The following LRTM1 variants were observed in gnomAD, a reference collection of about 807,000 sequenced individuals.
LRTM1 encodes leucine rich repeat transmembrane protein 1.
In LRTM1, 38 loss-of-function variants were observed where a neutral mutation model predicts 32.4. The observed-to-expected ratio is 1.17, with a 90% CI of 0.91 to 1.54. The LOEUF (loss-of-function observed/expected upper bound fraction) is 1.54. Among genes scored for constraint, LRTM1 ranks in the 40% most tolerant of loss-of-function variants. The probability of loss-of-function intolerance (pLI) is 0.00; values close to 1 mark genes in which losing one functional copy is unlikely to be tolerated. For missense variants in LRTM1, 466 were observed against 415.4 expected, an observed-to-expected ratio of 1.12 and a Z score of -1.06; for synonymous variants, 186 against 169.9, an observed-to-expected ratio of 1.09 and a Z score of -0.74.
chr3:54,932,204 A>G (rs1161153318), upstream of LRTM1, among the ~76,000 whole-genome samples: 2 of 152,168 alleles, frequency 1.3e-5, no homozygotes, highest in African/African-American at 2.4e-5. Flanking sequence ...TAAATGAAAA[A>G]GAATAATTAG....
At chr3:54,962,194 A>G (rs988319619) in intron 1 of LRTM1, among the ~76,000 whole-genome samples, 1 of 152,218 alleles carries the variant, frequency 6.6e-6, no homozygotes, top group East Asian at 1.9e-4. Flanking sequence ...AGTTTCAGAG[A>G]GGACCAACAT....
chr3:54,924,218 G>C (rs752275201), intron 2 of LRTM1, among the ~76,000 whole-genome samples: 3 of 152,184 alleles, frequency 2.0e-5, no homozygotes, highest in Non-Finnish European at 4.4e-5. Context: ...AGCAGACAAA[G>C]AGAGAAAAAT....
intron 2 of LRTM1, among the ~76,000 whole-genome samples, chr3:54,919,959 C>A (rs1700788541): frequency 6.6e-6 from 1 of 152,136 alleles, no homozygotes; most frequent in Non-Finnish European, 1.5e-5. Flanking sequence ...GAGGAGTGGG[C>A]AGGATGGCCC....
chr3:54,956,253 G>A (rs1192245740), intron 1 of LRTM1, among the ~76,000 whole-genome samples: 2 of 152,236 alleles, frequency 1.3e-5, no homozygotes, highest in African/African-American at 4.8e-5. Flanking sequence ...CTTGCTGCAT[G>A]AGCAGACCCG....
At chr3:54,960,143 C>T (rs1701996972) in intron 1 of LRTM1, among the ~76,000 whole-genome samples, 1 of 150,982 alleles carries the variant, frequency 6.6e-6, no homozygotes, top group African/African-American at 2.4e-5. Context: ...GGCCTTCCTA[C>T]ACTGGTTCCC....
chr3:54,927,767 T>C (rs1701066323), intron 1 of LRTM1, 138 bp downstream of exon 1: 2 of 928,216 alleles, frequency 2.2e-6, no homozygotes, highest in Non-Finnish European at 3.5e-6. Context: ...AATCATTCCA[T>C]GCAGAGACAT....
intron 1 of LRTM1, among the ~76,000 whole-genome samples, chr3:54,966,650 C>T (rs1453503171): frequency 6.6e-6 from 1 of 152,132 alleles, no homozygotes; most frequent in Non-Finnish European, 1.5e-5. Flanking sequence ...GAAACTTCAC[C>T]TCTACAGAAA....
upstream of LRTM1, among the ~76,000 whole-genome samples, chr3:54,930,750 G>T (rs1246144552): frequency 2.0e-5 from 3 of 152,194 alleles, no homozygotes; most frequent in East Asian, 3.9e-4. Flanking sequence ...AGGCAGGGAG[G>T]ATCAAGTGAT....
At chr3:54,954,619 G>C (rs1701836062) in intron 1 of LRTM1, among the ~76,000 whole-genome samples, 2 of 152,196 alleles carry the variant, frequency 1.3e-5, no homozygotes, top group Admixed American at 1.3e-4. Flanking sequence ...GAGGTAGGGT[G>C]TGGAGAAGAC....
intron 1 of LRTM1, among the ~76,000 whole-genome samples, chr3:54,950,775 T>C (rs981439383): frequency 6.6e-6 from 1 of 152,132 alleles, no homozygotes; most frequent in Non-Finnish European, 1.5e-5. Flanking sequence ...TCTTGCACCT[T>C]GATCGGGGCC....
At chr3:54,922,543 TTTACTA>T (rs1700883971) in intron 2 of LRTM1, among the ~76,000 whole-genome samples, 1 of 152,110 alleles carries the variant, frequency 6.6e-6, no homozygotes, top group Non-Finnish European at 1.5e-5. Context: ...GATTATGTAA[TTTACTA>T]TTACATTGTT....
chr3:54,962,101 G>A (rs1283961099), intron 1 of LRTM1, among the ~76,000 whole-genome samples: 1 of 152,090 alleles, frequency 6.6e-6, no homozygotes, highest in Non-Finnish European at 1.5e-5. Context: ...ATCCATTCAT[G>A]AGGACAGAGT....
In LRTM1 at chr3:54,925,115, G is replaced by A. The variant is rs576541973; in HGVS notation, c.108C>T (p.Cys36=). The A allele has an allele frequency of 1.9e-6, 3 of 1,614,102 alleles. No homozygotes were observed. The highest frequency in any genetic ancestry group is 2.7e-5 in the African/African-American group (2 of 75,040). ...GGATTTCGGCCAGACCCTGCTGGCTGCAGTCTACAAAATTTGTAGATGACT... is the reference window on the plus strand; with the variant it reads ...GGATTTCGGCCAGACCCTGCTGGCTACAGTCTACAAAATTTGTAGATGACT... ...YCQSSTNFVD[C]SQQGLAEIPS... The change falls in exon 2 of 3, where the codon TGC becomes TGT. Residue 36 remains cysteine (C), a synonymous_variant. Transcript: ENST00000273286.
intron 1 of LRTM1, among the ~76,000 whole-genome samples, chr3:54,948,069 T>A (rs1273942826): frequency 6.6e-6 from 1 of 152,206 alleles, no homozygotes; most frequent in African/African-American, 2.4e-5. Flanking sequence ...ACGGAGGAGA[T>A]GGTGATGTCC....
chr3:54,954,217 GCCT>G (rs1358061803), intron 1 of LRTM1, among the ~76,000 whole-genome samples: 1 of 152,126 alleles, frequency 6.6e-6, no homozygotes, highest in African/African-American at 2.4e-5. Flanking sequence ...CAGTGCTATG[GCCT>G]CCTCATTCCA....
rs746582709 is a variant in LRTM1, at chr3:54,918,654, G to C, written c.843C>G (p.Asn281Lys). Residue 281 changes from asparagine to lysine, a missense_variant, in exon 3 of 3, where the codon AAC becomes AAG. Physicochemically the swap from Asn to Lys is moderately conservative, Grantham distance 94. Coordinates refer to ENST00000273286, the MANE Select transcript of LRTM1 (RefSeq NM_020678.4). The part of the protein sequence containing the change: ...CELKPKPRPA[N>K]LRHAIATVII... ...TGACAGTGGCAATGGCATGACGCAG[G>C]TTGGCCGGCCTTGGCTTGGGTTTGA... 1 of 1,614,168 alleles carries C rather than the reference G, an allele frequency of 6.2e-7. No homozygotes were observed. The highest frequency in any genetic ancestry group is 8.5e-7 in the Non-Finnish European group (1 of 1,180,036).
Position 54,941,856 on chromosome 3 carries a change from G to C in LRTM1, c.-221-16641C>G, listed in dbSNP as rs188876922. Among the ~76,000 whole-genome samples the C allele has an allele frequency of 2.0e-5, 3 of 152,284 alleles. No homozygotes were observed. The East Asian group carries it at 5.8e-4, about 29-fold the overall frequency. On this transcript the variant is annotated intron_variant, in intron 1 of 2. Coordinates refer to the LRTM1 transcript ENST00000493075. ...GCATTGGCCTCCTCCCTGCCACACA[G>C]TTCTGCAGCTCTGTTTGCACCTGTC...
chr3:54,946,309 T>A (rs1224419738), intron 1 of LRTM1, among the ~76,000 whole-genome samples: 1 of 152,212 alleles, frequency 6.6e-6, no homozygotes, highest in East Asian at 1.9e-4. Flanking sequence ...GTACCCATCC[T>A]GTACATGTCT....
At chr3:54,940,728 T>C (rs1701444914) in intron 1 of LRTM1, among the ~76,000 whole-genome samples, 1 of 152,230 alleles carries the variant, frequency 6.6e-6, no homozygotes, top group African/African-American at 2.4e-5. Context: ...GACGTTCCTT[T>C]TGCATTTATT....
Sources: gnomAD v4.1 joint callset for allele counts (sites outside exome capture counted in the v4.1 genomes callset) on GRCh38, gnomAD v4.1.1 for gene constraint, MANE v1.5 for transcripts, NCBI Gene and HGNC (gene_info 2026-07-23, HGNC 2026-07-21) for gene names.